Variants in PDZRN3 observed in about 807,000 individuals in gnomAD.
The protein encoded by PDZRN3 is E3 ubiquitin-protein ligase PDZRN3.
Under a neutral mutation model 85.7 loss-of-function variants are expected in PDZRN3, and 38 were observed. The observed-to-expected ratio is 0.44, with a 90% CI of 0.34 to 0.58. The LOEUF is 0.58. Among genes scored for constraint, PDZRN3 ranks in the 20% least tolerant of loss-of-function variants. The probability of loss-of-function intolerance (pLI) is 0.01; values close to 1 mark genes in which losing one functional copy is unlikely to be tolerated. For synonymous variants in PDZRN3, 759 were observed against 638.0 expected (o/e 1.19, Z -2.86); for missense variants, 1,629 against 1,506.4 (o/e 1.08, Z -1.35).
intron 3 of PDZRN3, among the ~76,000 whole-genome samples, chr3:73,455,782 G>T (rs1410027625): frequency 6.6e-6 from 1 of 152,146 alleles, no homozygotes; most frequent in African/African-American, 2.4e-5. Flanking sequence ...TACAGACTTG[G>T]ACAAATCAAA....
At chr3:73,428,729 C>A (rs1033666892) in intron 3 of PDZRN3, among the ~76,000 whole-genome samples, 2 of 152,090 alleles carry the variant, frequency 1.3e-5, no homozygotes, top group Non-Finnish European at 2.9e-5. Context: ...CGTTTCTTTT[C>A]AGAATCAACA....
rs1209498859 is a variant in PDZRN3 at position 73,384,082 on chromosome 3, C to T, written c.2484G>A (p.Glu828=). 16 of 1,612,728 alleles carry T rather than the reference C, an allele frequency of 9.9e-6. No homozygotes were observed. Among genetic ancestry groups the T allele is most frequent in the Non-Finnish European group, 1.4e-5 (16 of 1,179,596 alleles). Residue 828 remains glutamate (E), a synonymous_variant, in exon 10 of 10, where the codon GAG becomes GAA. Coordinates refer to ENST00000263666, the MANE Select transcript of PDZRN3 (RefSeq NM_015009.3). ...GTPTYSPSLK[E]LDPNQPLESK... ...TTTCCAGGGGCTGGTTGGGGTCCAG[C>T]TCCTTCAGGGACGGGCTATAGGTAG...
At chr3:73,523,700 C>G (rs1704452822) in intron 3 of PDZRN3, among the ~76,000 whole-genome samples, 1 of 152,104 alleles carries the variant, frequency 6.6e-6, no homozygotes, top group Admixed American at 6.6e-5. Flanking sequence ...TATGGTGGCA[C>G]AACTACAGGG....
At chr3:73,584,533 CTGAT>C (rs1702251493) in intron 3 of PDZRN3, among the ~76,000 whole-genome samples, 1 of 149,754 alleles carries the variant, frequency 6.7e-6, no homozygotes, top group Non-Finnish European at 1.5e-5. Context: ...AAAATAAAAG[CTGAT>C]TTAGAAAACA....
chr3:73,595,230 C>A (rs1702415446), intron 3 of PDZRN3, among the ~76,000 whole-genome samples: 2 of 152,210 alleles, frequency 1.3e-5, no homozygotes, highest in Admixed American at 1.3e-4. Flanking sequence ...AAAGAATCTT[C>A]TCAACGCAGC....
chr3:73,383,164 T>C lies in PDZRN3; in HGVS notation c.*201A>G. ...AAAAGCTCTGTTTGTTAATATTGCC[T>C]TCCAAGATAGTAAGGGTGTTTTTCT... On this transcript the variant is annotated 3_prime_UTR_variant, in exon 10 of 10. Transcript: ENST00000263666. The C allele has an allele frequency of 1.9e-6, 1 of 517,692 alleles. No individual in the cohort carries two copies. The highest frequency in any genetic ancestry group is 3.0e-5 in the East Asian group (1 of 32,918). 32.1% of individuals were successfully genotyped at this position (517,692 alleles called of 1,614,324 possible). A position where few individuals can be genotyped will look rare whatever the true frequency, so the allele number is the denominator to read the frequency against.
At chr3:73,385,820 GTTTCC>G (rs771260107) in intron 8 of PDZRN3, 35 bp from the exon 9 acceptor site, 31 of 1,187,164 alleles carry the variant, frequency 2.6e-5, no homozygotes, top group African/African-American at 1.1e-4. Context: ...TGCCTTAGAA[GTTTCC>G]TTTCATGTTC....
intron 3 of PDZRN3, among the ~76,000 whole-genome samples, chr3:73,419,588 AT>A (rs1317601442): frequency 6.6e-6 from 1 of 151,968 alleles, no homozygotes; most frequent in African/African-American, 2.4e-5. Flanking sequence ...TGGGTCAGGG[AT>A]TTTTTTTCCT....
At chr3:73,567,936 T>C (rs1417716523) in intron 3 of PDZRN3, among the ~76,000 whole-genome samples, 1 of 152,132 alleles carries the variant, frequency 6.6e-6, no homozygotes, top group Non-Finnish European at 1.5e-5. Context: ...ATAATTACCA[T>C]TTGAAAACCC....
intron 5 of PDZRN3, among the ~76,000 whole-genome samples, chr3:73,394,657 G>A (rs576696802): frequency 6.6e-6 from 1 of 152,276 alleles, no homozygotes; most frequent in East Asian, 1.9e-4. Flanking sequence ...GGATGGTGTG[G>A]GCTATAATAT....
chr3:73,540,686 A>G (rs1704899857), intron 3 of PDZRN3, among the ~76,000 whole-genome samples: 1 of 152,140 alleles, frequency 6.6e-6, no homozygotes, highest in African/African-American at 2.4e-5. Context: ...TTTCACCATG[A>G]TTGTAAGTTT....
At chr3:73,461,374 G>A (rs1207081625) in intron 3 of PDZRN3, among the ~76,000 whole-genome samples, 1 of 152,198 alleles carries the variant, frequency 6.6e-6, no homozygotes, top group South Asian at 2.1e-4. Flanking sequence ...TGCAGCATGA[G>A]TTTGGAGACC....
At chr3:73,593,580 T>C (rs965295396) in intron 3 of PDZRN3, among the ~76,000 whole-genome samples, 4 of 152,118 alleles carry the variant, frequency 2.6e-5, no homozygotes, top group Non-Finnish European at 5.9e-5. Context: ...TATGAGCTTG[T>C]AGAAATGAGA....
intron 3 of PDZRN3, among the ~76,000 whole-genome samples, chr3:73,549,835 C>A (rs375822844): frequency 2.0e-5 from 3 of 152,192 alleles, no homozygotes; most frequent in Non-Finnish European, 2.9e-5. Flanking sequence ...TCTTAAGCTA[C>A]GTATCTCAGT....
intron 3 of PDZRN3, among the ~76,000 whole-genome samples, chr3:73,526,064 C>G (rs1398588978): frequency 2.6e-5 from 4 of 152,098 alleles, no homozygotes; most frequent in African/African-American, 9.7e-5. Flanking sequence ...TACGTGATCT[C>G]GGCAAGTTAC....
chr3:73,398,989 G>T (rs185514543), intron 5 of PDZRN3, among the ~76,000 whole-genome samples: 2 of 152,304 alleles, frequency 1.3e-5, no homozygotes, highest in African/African-American at 4.8e-5. Context: ...CTGTAAGGCA[G>T]AATGGCCCAA....
At chr3:73,621,775 G>C (rs12635893) in intron 1 of PDZRN3, 87,106 of 151,966 alleles carry the variant, frequency 0.57, 25,382 homozygotes, top group East Asian at 0.7. Context: ...CTCCAACACC[G>C]GAACAAACCT....
intron 3 of PDZRN3, among the ~76,000 whole-genome samples, chr3:73,416,875 GGTTT>G (rs1559667650): frequency 0.033 from 1,341 of 40,658 alleles, 39 homozygotes; most frequent in African/African-American, 0.093. Context: ...GTTTTTTTTT[GGTTT>G]TTTTTTTTTT....
intron 3 of PDZRN3, among the ~76,000 whole-genome samples, chr3:73,579,363 T>C (rs1050854750): frequency 2.6e-5 from 4 of 152,250 alleles, no homozygotes; most frequent in African/African-American, 9.6e-5. Context: ...ACAACCTACA[T>C]AGATAAAAGG....
Sources: gnomAD v4.1 joint callset for allele counts (sites outside exome capture counted in the v4.1 genomes callset) on GRCh38, gnomAD v4.1.1 for gene constraint, MANE v1.5 for transcripts, NCBI Gene and HGNC (gene_info 2026-07-23, HGNC 2026-07-21) for gene names.